AKR1B15: variants seen among roughly 807,000 people sequenced by gnomAD.
AKR1B15 encodes estradiol 17-beta-dehydrogenase AKR1B15.
In AKR1B15, 49 loss-of-function variants were observed where a neutral mutation model predicts 38.5. That is an observed-to-expected ratio of 1.27 (90% CI 1.01 to 1.62). AKR1B15 has a LOEUF of 1.62. Ranked by LOEUF, AKR1B15 falls within the 40% of genes most tolerant of loss-of-function variation. AKR1B15 has a pLI of 0.00. For missense variants in AKR1B15, 411 were observed against 381.6 expected, an observed-to-expected ratio of 1.08 and a Z score of -0.64; for synonymous variants, 137 against 135.5, an observed-to-expected ratio of 1.01 and a Z score of -0.08.
At chr7:134,579,375 T>C (rs1585819495) in intron 11 of AKR1B15, 132 bp from the exon 12 acceptor site, 4 of 708,972 alleles carry the variant, frequency 5.6e-6, no homozygotes, top group Non-Finnish European at 9.0e-6. Flanking sequence ...TAAGCACCCT[T>C]CTTGTGTTCT....
chr7:134,564,694 C>T lies in AKR1B15; in HGVS notation c.75C>T (p.Gly25=), dbSNP rs1487574381. Reference sequence around the variant, plus strand: ...AAGGACCCCTGGACCAACCCGTTGGCCCTTTGACTGGCCTAAAGAGTTCCC... The same window carrying T: ...AAGGACCCCTGGACCAACCCGTTGGTCCTTTGACTGGCCTAAAGAGTTCCC... ...FHQGPLDQPV[G]PLTGLKSSLL... The change falls in exon 3 of 12, where the codon GGC becomes GGT. Residue 25 remains glycine, a synonymous_variant. Coordinates refer to ENST00000457545, the MANE Select transcript of AKR1B15 (RefSeq NM_001080538.3). The T allele has an allele frequency of 2.9e-6, 2 of 699,134 alleles. No homozygotes were observed. Among genetic ancestry groups the T allele is most frequent in the East Asian group, 5.4e-5 (2 of 37,260 alleles). The allele number at this position is 699,134 out of a possible 1,614,324, so 43.3% of individuals were successfully genotyped here.
chr7:134,558,565 G>C (rs971832639), intron 2 of AKR1B15, among the ~76,000 whole-genome samples: 1 of 152,186 alleles, frequency 6.6e-6, no homozygotes, highest in African/African-American at 2.4e-5. Flanking sequence ...CACAGGAAGA[G>C]TAGAGTGGAT....
chr7:134,565,616 C>G, intron 3 of AKR1B15: 1 of 1,594,306 alleles, frequency 6.3e-7, no homozygotes, highest in Non-Finnish European at 8.6e-7. Flanking sequence ...TTTCTACATT[C>G]AGCCAGAAAA....
chr7:134,574,423 C>T (rs970018941), intron 6 of AKR1B15, among the ~76,000 whole-genome samples: 1 of 152,108 alleles, frequency 6.6e-6, no homozygotes, highest in African/African-American at 2.4e-5. Context: ...CCTGAAAGGA[C>T]TCCCCTGACA....
chr7:134,566,833 G>A (rs977708358), intron 3 of AKR1B15, among the ~76,000 whole-genome samples: 3 of 152,116 alleles, frequency 2.0e-5, no homozygotes, highest in African/African-American at 4.8e-5. Context: ...CTTCCAGCTC[G>A]ATTCATACAT....
chr7:134,575,970 A>T (rs1163028837), intron 8 of AKR1B15, 43 bp downstream of exon 8: 1 of 1,600,168 alleles, frequency 6.2e-7, no homozygotes, highest in Non-Finnish European at 8.5e-7. Context: ...ATAATCTTAA[A>T]AACATTATTT....
intron 6 of AKR1B15, among the ~76,000 whole-genome samples, chr7:134,573,935 T>G (rs1287381542): frequency 6.6e-6 from 1 of 152,220 alleles, no homozygotes; most frequent in Non-Finnish European, 1.5e-5. Context: ...AGTCTTGCTC[T>G]GTTGCCCAGA....
intron 1 of AKR1B15, among the ~76,000 whole-genome samples, chr7:134,549,673 G>T (rs1003715839): frequency 6.6e-6 from 1 of 152,148 alleles, no homozygotes; most frequent in South Asian, 2.1e-4. Flanking sequence ...GCCAAGAGGA[G>T]CCTAAGTCCC....
intron 2 of AKR1B15, among the ~76,000 whole-genome samples, chr7:134,558,341 A>G (rs1428032580): frequency 6.6e-6 from 1 of 152,190 alleles, no homozygotes; most frequent in Admixed American, 6.5e-5. Context: ...GTAATAATAG[A>G]CCATTTTACC....
At chr7:134,554,199 G>C (rs539303038) in intron 1 of AKR1B15, among the ~76,000 whole-genome samples, 9 of 152,278 alleles carry the variant, frequency 5.9e-5, no homozygotes, top group African/African-American at 1.7e-4. Flanking sequence ...ACATCAAAGA[G>C]AAGACATGGC....
At chr7:134,549,786 C>A (rs1793902807) in intron 1 of AKR1B15, among the ~76,000 whole-genome samples, 1 of 152,146 alleles carries the variant, frequency 6.6e-6, no homozygotes, top group Non-Finnish European at 1.5e-5. Context: ...TACCCCAGTG[C>A]CTATTGTCCT....
At chr7:134,549,682 C>T (rs1002846174) in intron 1 of AKR1B15, among the ~76,000 whole-genome samples, 5 of 152,136 alleles carry the variant, frequency 3.3e-5, no homozygotes, top group Admixed American at 1.3e-4. Context: ...AGCCTAAGTC[C>T]CCGAAAGGGG....
intron 6 of AKR1B15, among the ~76,000 whole-genome samples, chr7:134,573,107 T>C (rs1200749852): frequency 6.6e-6 from 1 of 152,244 alleles, no homozygotes; most frequent in South Asian, 2.1e-4. Flanking sequence ...CTTGGCTCAC[T>C]ACAACCTCCC....
At chr7:134,552,449 G>A (rs775376156) in intron 1 of AKR1B15, among the ~76,000 whole-genome samples, 1 of 152,070 alleles carries the variant, frequency 6.6e-6, no homozygotes, top group Non-Finnish European at 1.5e-5. Context: ...CCACCCTGCC[G>A]GTCCAGGTCA....
Position 134,577,047 on chromosome 7 carries a change from G to A in AKR1B15, c.909+1G>A, listed in dbSNP as rs1794780972. On this transcript the variant is annotated splice_donor_variant, in intron 10 of 11. Transcript: ENST00000457545. LOFTEE classifies it high-confidence loss of function. ...AGCACACATTGTTGAGAACATTCAG[G>A]TAAGTTTCCGGCTGGTCGGGCCTGG... is the stretch of plus-strand genomic sequence containing the variant. 6.2e-7 allele frequency: 1 copy of A among 1,613,140 alleles called. No individual in the cohort carries two copies. Among genetic ancestry groups the A allele is most frequent in the Non-Finnish European group, 8.5e-7 (1 of 1,179,200 alleles).
At chr7:134,552,925 GCA>G (rs1249317716) in intron 1 of AKR1B15, among the ~76,000 whole-genome samples, 1 of 152,040 alleles carries the variant, frequency 6.6e-6, no homozygotes, top group Non-Finnish European at 1.5e-5. Context: ...CACCCTAACT[GCA>G]CTCTTCTCCA....
At chr7:134,566,962 A>G (rs1366280843) in intron 3 of AKR1B15, among the ~76,000 whole-genome samples, 1 of 152,220 alleles carries the variant, frequency 6.6e-6, no homozygotes, top group East Asian at 1.9e-4. Flanking sequence ...TAAGTTTACT[A>G]GACAGTTTCA....
At position 134,579,727 on chromosome 7, in the gene AKR1B15, A is replaced by C. The variant is rs1182976411; in HGVS notation, c.*178A>C. ...GTATTTCTGTATGTTCAACTAGGAT[A>C]AGAATATCACAGAAAAGCATGGCCT... On this transcript the variant is annotated 3_prime_UTR_variant, in exon 12 of 12. Transcript: ENST00000457545. The C allele has an allele frequency of 3.7e-6, 2 of 537,656 alleles. No homozygotes were observed. Among genetic ancestry groups the C allele is most frequent in the East Asian group, 6.3e-5 (2 of 31,934 alleles). The allele number at this position is 537,656 out of a possible 1,614,324, so 33.3% of individuals were successfully genotyped here.
chr7:134,565,076 A>G, intron 3 of AKR1B15: 1 of 300,652 alleles, frequency 3.3e-6, no homozygotes, highest in Admixed American at 4.6e-5. Flanking sequence ...TGGGCAAATA[A>G]TGGAATAAAA....
Sources: gnomAD v4.1 joint callset for allele counts (sites outside exome capture counted in the v4.1 genomes callset) on GRCh38, gnomAD v4.1.1 for gene constraint, MANE v1.5 for transcripts, NCBI Gene and HGNC (gene_info 2026-07-23, HGNC 2026-07-21) for gene names.